The following TRPM6 variants were observed in gnomAD, a reference collection of about 807,000 sequenced individuals.
TRPM6 encodes transient receptor potential cation channel subfamily M member 6, also known as channel kinase 2.
TRPM6 carries 111 observed loss-of-function variants against 247.6 expected under a neutral mutation model. The ratio of observed to expected loss-of-function variants is 0.45; its 90% confidence interval spans 0.38 to 0.52. TRPM6 has a LOEUF of 0.52. Ranked by LOEUF, TRPM6 falls within the 20% of genes least tolerant of loss-of-function variation. The pLI, the probability that TRPM6 is intolerant of heterozygous loss-of-function variation, is 0.00. For synonymous variants in TRPM6, 892 were observed against 853.8 expected (o/e 1.04, Z -0.78); for missense variants, 2,126 against 2,421.5 (o/e 0.88, Z 2.56).
At chr9:74,838,719 C>T (rs1450922130) in intron 5 of TRPM6, among the ~76,000 whole-genome samples, 6 of 151,380 alleles carry the variant, frequency 4.0e-5, no homozygotes, top group African/African-American at 1.5e-4. Context: ...AGTGCGTTGG[C>T]ATCTCGTGTA....
At chr9:74,735,561 A>C (rs1825669350) in intron 36 of TRPM6, among the ~76,000 whole-genome samples, 1 of 152,224 alleles carries the variant, frequency 6.6e-6, no homozygotes, top group Admixed American at 6.5e-5. Flanking sequence ...TGAATAAAAA[A>C]ATTAATATCT....
chr9:74,786,935 A>C (rs2118948955), intron 20 of TRPM6, among the ~76,000 whole-genome samples: 1 of 152,240 alleles, frequency 6.6e-6, no homozygotes, highest in African/African-American at 2.4e-5. Flanking sequence ...GCAGTGGCTC[A>C]CGCCTGTAAT....
At chr9:74,796,951 CA>C (rs1828120784) in intron 17 of TRPM6, 58 bp from the exon 18 acceptor site, 15 of 1,438,926 alleles carry the variant, frequency 1.0e-5, no homozygotes. Flanking sequence ...ACATACTAGA[CA>C]AATAACAAAA....
intron 36 of TRPM6, among the ~76,000 whole-genome samples, chr9:74,733,300 C>A (rs753740160): frequency 6.6e-6 from 1 of 151,726 alleles, no homozygotes; most frequent in Non-Finnish European, 1.5e-5. Flanking sequence ...TATTTTAATT[C>A]TCAAAAATTC....
intron 3 of TRPM6, among the ~76,000 whole-genome samples, chr9:74,853,655 G>T (rs1005911305): frequency 2.0e-5 from 3 of 152,122 alleles, no homozygotes; most frequent in African/African-American, 7.2e-5. Context: ...GATGCTTGAA[G>T]GCAGCATGCT....
intron 27 of TRPM6, 122 bp downstream of exon 27, chr9:74,761,574 C>T: frequency 1.4e-6 from 1 of 727,336 alleles, no homozygotes; most frequent in Non-Finnish European, 2.5e-6. Flanking sequence ...ATTATATCTT[C>T]AATCCTTTCA....
chr9:74,770,256 C>G (rs1826985766), intron 25 of TRPM6, among the ~76,000 whole-genome samples: 1 of 152,084 alleles, frequency 6.6e-6, no homozygotes, highest in South Asian at 2.1e-4. Flanking sequence ...TAAGGATTCA[C>G]ATCTCTCTAC....
chr9:74,810,879 G>C lies in TRPM6; in HGVS notation c.1444-11C>G, dbSNP rs777129325. On this transcript the variant is annotated splice_polypyrimidine_tract_variant and intron_variant, in intron 12 of 38. Coordinates refer to ENST00000360774, the MANE Select transcript of TRPM6 (RefSeq NM_017662.5). ...AGTAGGTCCTTGTTTCTGAAATAAA[G>C]AACAAAAGGAAGAATTATTCTCTTT... 1.9e-5 allele frequency: 30 copies of C among 1,610,574 alleles called. No individual in the cohort carries two copies. The highest frequency in any genetic ancestry group is 2.5e-5 in the Non-Finnish European group (29 of 1,177,046).
At chr9:74,820,014 T>C (rs752125936) in intron 9 of TRPM6, among the ~76,000 whole-genome samples, 36 of 148,600 alleles carry the variant, frequency 2.4e-4, no homozygotes, top group Non-Finnish European at 4.4e-4. Flanking sequence ...ATAATTTTAC[T>C]TTATTTTAAG....
chr9:74,795,289 T>C (rs1241649171), intron 18 of TRPM6, among the ~76,000 whole-genome samples: 1 of 152,146 alleles, frequency 6.6e-6, no homozygotes, highest in African/African-American at 2.4e-5. Context: ...GAATAATTTC[T>C]CTAATAGTCA....
intron 1 of TRPM6, among the ~76,000 whole-genome samples, chr9:74,870,869 G>A (rs964758419): frequency 1.3e-5 from 2 of 151,850 alleles, no homozygotes; most frequent in African/African-American, 2.4e-5. Context: ...AATTTGGGAG[G>A]TTGCAGTGAG....
At chr9:74,829,067 C>A (rs1037604545) in intron 6 of TRPM6, among the ~76,000 whole-genome samples, 1 of 152,032 alleles carries the variant, frequency 6.6e-6, no homozygotes, top group Admixed American at 6.6e-5. Context: ...CCGAAGCTAG[C>A]GGATCAGTTG....
intron 25 of TRPM6, among the ~76,000 whole-genome samples, chr9:74,769,665 G>A (rs919462553): frequency 4.6e-5 from 7 of 151,952 alleles, no homozygotes; most frequent in African/African-American, 1.7e-4. Flanking sequence ...GGCTGAGGCA[G>A]GAGAATTGCT....
At chr9:74,803,134 G>A (rs2119010136) in intron 15 of TRPM6, among the ~76,000 whole-genome samples, 1 of 152,256 alleles carries the variant, frequency 6.6e-6, no homozygotes, top group Middle Eastern at 3.4e-3. Context: ...ATGACCAAGA[G>A]TAATTTTATA....
chr9:74,844,630 G>A (rs7869151), intron 3 of TRPM6, among the ~76,000 whole-genome samples: 53 of 152,298 alleles, frequency 3.5e-4, no homozygotes, highest in African/African-American at 9.1e-4. Context: ...GCTGTGGCTG[G>A]TTTGATCTTC....
chr9:74,832,694 A>C (rs565333634), intron 6 of TRPM6, among the ~76,000 whole-genome samples: 1 of 152,338 alleles, frequency 6.6e-6, no homozygotes, highest in African/African-American at 2.4e-5. Flanking sequence ...AGATAGGTAC[A>C]TAGAAAAGAG....
At chr9:74,834,169 CAA>C in intron 5 of TRPM6, 47 bp from the exon 6 acceptor site, 8 of 1,611,510 alleles carry the variant, frequency 5.0e-6, no homozygotes, top group Non-Finnish European at 6.8e-6. Context: ...ACAAATCGTG[CAA>C]AACAAAGAGA....
intron 17 of TRPM6, among the ~76,000 whole-genome samples, chr9:74,799,537 AAC>A (rs1323319197): frequency 1.4e-4 from 18 of 128,810 alleles, no homozygotes; most frequent in African/African-American, 6.2e-4. Context: ...CTCAAAAAAA[AAC>A]ACACACACAT....
chr9:74,754,528 C>T (rs1158856758), intron 28 of TRPM6, among the ~76,000 whole-genome samples: 1 of 152,086 alleles, frequency 6.6e-6, no homozygotes, highest in Non-Finnish European at 1.5e-5. Flanking sequence ...AAGTGTCCCA[C>T]GGGGAAAGTG....
Sources: gnomAD v4.1 joint callset for allele counts (sites outside exome capture counted in the v4.1 genomes callset) on GRCh38, gnomAD v4.1.1 for gene constraint, MANE v1.5 for transcripts, NCBI Gene and HGNC (gene_info 2026-07-23, HGNC 2026-07-21) for gene names.